Variants in TRPM3 observed in about 807,000 individuals in gnomAD.
TRPM3 encodes the protein transient receptor potential cation channel subfamily M member 3, also known as long transient receptor potential channel 3.
In TRPM3, 77 loss-of-function variants were observed where a neutral mutation model predicts 181.2. The ratio of observed to expected loss-of-function variants is 0.42; its 90% CI spans 0.35 to 0.51. TRPM3 has a LOEUF of 0.51. Ranked by LOEUF, TRPM3 falls within the 20% of genes least tolerant of loss-of-function variation. The probability of loss-of-function intolerance (pLI) is 0.01; values close to 1 mark genes in which losing one functional copy is unlikely to be tolerated. For synonymous variants in TRPM3, 745 were observed against 796.4 expected (o/e 0.94, Z 1.09); for missense variants, 1,759 against 2,196.7 (o/e 0.80, Z 3.98).
chr9:71,358,029 T>C (rs1415206533), intron 1 of TRPM3, among the ~76,000 whole-genome samples: 2 of 152,130 alleles, frequency 1.3e-5, no homozygotes, highest in Non-Finnish European at 2.9e-5. Context: ...GAGTGAACAA[T>C]ATGGCGAGAG....
chr9:71,353,575 T>A (rs1353588163), intron 1 of TRPM3, among the ~76,000 whole-genome samples: 1 of 152,188 alleles, frequency 6.6e-6, no homozygotes, highest in African/African-American at 2.4e-5. Flanking sequence ...CTGTGGTCTC[T>A]TTCCTTTGCC....
intron 1 of TRPM3, 74 bp downstream of exon 1, chr9:71,121,104 G>A: frequency 1.3e-6 from 2 of 1,489,008 alleles, no homozygotes; most frequent in Non-Finnish European, 1.8e-6. Context: ...GTGCGTCCCA[G>A]CCCAAGTCCC....
chr9:70,785,745 G>A (rs1451964896), intron 6 of TRPM3, among the ~76,000 whole-genome samples: 1 of 151,954 alleles, frequency 6.6e-6, no homozygotes, highest in African/African-American at 2.4e-5. Flanking sequence ...AGTCTCCTAG[G>A]GCTTTATCTC....
At chr9:70,845,491 C>T (rs951968398) in intron 4 of TRPM3, among the ~76,000 whole-genome samples, 3 of 152,242 alleles carry the variant, frequency 2.0e-5, no homozygotes, top group African/African-American at 4.8e-5. Flanking sequence ...CCCCCTGCCT[C>T]GGCCTCCCAA....
intron 1 of TRPM3, among the ~76,000 whole-genome samples, chr9:70,928,209 G>T (rs2096740700): frequency 1.3e-5 from 2 of 152,170 alleles, no homozygotes; most frequent in African/African-American, 4.8e-5. Flanking sequence ...TGGAGTCTCA[G>T]TTTCCTCATC....
chr9:71,304,320 A>G (rs925188099), intron 1 of TRPM3, among the ~76,000 whole-genome samples: 4 of 152,214 alleles, frequency 2.6e-5, no homozygotes, highest in African/African-American at 9.6e-5. Context: ...AACTAGTGTC[A>G]GCTTTGAAAA....
At chr9:71,255,623 T>C (rs2082624901) in intron 1 of TRPM3, among the ~76,000 whole-genome samples, 1 of 152,210 alleles carries the variant, frequency 6.6e-6, no homozygotes, top group African/African-American at 2.4e-5. Context: ...TGAAGTCTAT[T>C]CTGGTTTAAT....
chr9:70,648,028 T>C (rs1291785729), intron 9 of TRPM3, among the ~76,000 whole-genome samples: 1 of 152,104 alleles, frequency 6.6e-6, no homozygotes, highest in Non-Finnish European at 1.5e-5. Context: ...TAAAACACTG[T>C]TGAAAGTAAT....
intron 16 of TRPM3, 79 bp from the exon 17 acceptor site, chr9:70,619,174 C>G: frequency 8.2e-7 from 1 of 1,212,602 alleles, no homozygotes; most frequent in Non-Finnish European, 1.2e-6. Context: ...GCTGGCCAAC[C>G]AGAAAATGGG....
intron 1 of TRPM3, among the ~76,000 whole-genome samples, chr9:71,042,518 G>A (rs919357685): frequency 2.0e-5 from 3 of 151,782 alleles, no homozygotes; most frequent in Non-Finnish European, 4.4e-5. Flanking sequence ...TCCCATAAGT[G>A]GCAGGAACAC....
chr9:71,308,649 G>A (rs1471109418), intron 1 of TRPM3, among the ~76,000 whole-genome samples: 1 of 152,082 alleles, frequency 6.6e-6, no homozygotes, highest in African/African-American at 2.4e-5. Context: ...AGCAAACAAA[G>A]TAATGGGGGT....
intron 1 of TRPM3, among the ~76,000 whole-genome samples, chr9:71,337,157 T>C (rs2090616534): frequency 6.6e-6 from 1 of 151,684 alleles, no homozygotes; most frequent in Non-Finnish European, 1.5e-5. Context: ...ATCATCAGAG[T>C]GAACAGGCAA....
intron 1 of TRPM3, among the ~76,000 whole-genome samples, chr9:71,131,384 T>C (rs1017913343): frequency 2.0e-5 from 3 of 152,216 alleles, no homozygotes; most frequent in Admixed American, 2.0e-4. Flanking sequence ...CTTTTCAGAA[T>C]TGGTAGCTAT....
intron 6 of TRPM3, among the ~76,000 whole-genome samples, chr9:70,814,757 C>A (rs957728793): frequency 1.3e-5 from 2 of 151,974 alleles, no homozygotes; most frequent in Non-Finnish European, 2.9e-5. Context: ...GCACTTGACC[C>A]ACAGGTCAAG....
intron 1 of TRPM3, among the ~76,000 whole-genome samples, chr9:70,890,474 C>T (rs935511670): frequency 6.6e-6 from 1 of 151,994 alleles, no homozygotes; most frequent in Non-Finnish European, 1.5e-5. Flanking sequence ...GAAGGGGTCA[C>T]TGTGAGTGGC....
intron 1 of TRPM3, among the ~76,000 whole-genome samples, chr9:71,023,353 G>A (rs911267870): frequency 2.0e-5 from 3 of 152,174 alleles, no homozygotes; most frequent in Non-Finnish European, 4.4e-5. Context: ...TGCTAGTAAG[G>A]ATGGAGAAAA....
chr9:70,645,548 A>G (rs1292521853), intron 9 of TRPM3, among the ~76,000 whole-genome samples: 1 of 152,166 alleles, frequency 6.6e-6, no homozygotes. Context: ...CACCTTATAC[A>G]AAAATTAACT....
intron 1 of TRPM3, among the ~76,000 whole-genome samples, chr9:70,960,346 C>T (rs1330703113): frequency 6.6e-6 from 1 of 152,114 alleles, no homozygotes; most frequent in African/African-American, 2.4e-5. Context: ...TGGCTGCCTC[C>T]AGGTGATAGT....
At chr9:71,444,889 AAAATC>A (rs2094183214) in intron 1 of TRPM3, among the ~76,000 whole-genome samples, 1 of 152,268 alleles carries the variant, frequency 6.6e-6, no homozygotes, top group Non-Finnish European at 1.5e-5. Flanking sequence ...GTTTTAGAAG[AAAATC>A]AATATCAAAC....
Sources: allele counts gnomAD v4.1 joint callset (sites outside exome capture counted in the v4.1 genomes callset), GRCh38; gene constraint gnomAD v4.1.1; transcripts MANE v1.5; gene names NCBI Gene and HGNC (gene_info 2026-07-23, HGNC 2026-07-21).